The following ABL2 variants were observed in gnomAD, a reference collection of about 807,000 sequenced individuals.
The protein encoded by ABL2 is tyrosine-protein kinase ABL2.
A neutral mutation model predicts 107.7 loss-of-function variants in ABL2; 49 were observed. That is an observed-to-expected ratio of 0.45 (90% CI 0.36 to 0.58). The LOEUF is 0.58. Ranked by LOEUF, ABL2 falls within the 20% of genes least tolerant of loss-of-function variation. The probability of loss-of-function intolerance (pLI) is 0.00; values close to 1 mark genes in which losing one functional copy is unlikely to be tolerated. For missense variants in ABL2, 1,245 were observed against 1,457.0 expected, an observed-to-expected ratio of 0.85 and a Z score of 2.37; for synonymous variants, 549 against 548.6, an observed-to-expected ratio of 1.00 and a Z score of -0.01.
Position 179,107,950 on chromosome 1 carries a change from T to C in ABL2, c.3317A>G (p.Asn1106Ser), listed in dbSNP as rs559270365. The change falls in exon 12 of 12, where the codon AAC becomes AGC. Residue 1106 changes from asparagine to serine, a missense_variant. Asn to Ser is a conservative substitution (Grantham distance 46). Around this residue, in one of 3 missense-constraint regions of ABL2, gnomAD observed 761 missense variants for 766.4 expected, o/e 0.99. Transcript: ENST00000502732. ...LSSALTEPVPNSQLVDTGHQL... is the reference protein window; with the variant it reads ...LSSALTEPVPSSQLVDTGHQL... ...GTGTCCAGTGTCTACCAGCTGGCTG[T>C]TGGGCACAGGTTCCGTGAGTGCACT... 6.2e-7 allele frequency: 1 copy of C among 1,614,212 alleles called. No homozygotes were observed.
chr1:179,107,690 G>A lies in ABL2; in HGVS notation c.*28C>T. Reference sequence around the variant, plus strand: ...CTTTTCCCTCTCCCCTCAGAAATGTGTGCATTTTCCCACCAGGCTAACAGT... The same window carrying A: ...CTTTTCCCTCTCCCCTCAGAAATGTATGCATTTTCCCACCAGGCTAACAGT... On this transcript the variant is annotated 3_prime_UTR_variant, in exon 12 of 12. Coordinates refer to ENST00000502732, the MANE Select transcript of ABL2 (RefSeq NM_007314.4). The A allele has an allele frequency of 6.4e-7, 1 of 1,564,340 alleles. No homozygotes were observed. Among genetic ancestry groups the A allele is most frequent in the Non-Finnish European group, 8.7e-7 (1 of 1,154,340 alleles).
At position 179,100,301 on chromosome 1, in the gene ABL2, G is replaced by A. The variant is rs1012053846; in HGVS notation, c.*7417C>T. On this transcript the variant is annotated 3_prime_UTR_variant, in exon 12 of 12. Transcript: ENST00000502732. ...ACCAGAAGCATCTCTGTCCCCTGGC[G>A]TTCTTGCCACTCACAATACCTGGTA... 1.4e-4 allele frequency: 31 copies of A among 227,874 alleles called. No individual in the cohort carries two copies. The highest frequency in any genetic ancestry group is 3.1e-4 in the African/African-American group (14 of 45,046). 14.1% of individuals were successfully genotyped at this position (227,874 alleles called of 1,614,324 possible). A position where few individuals can be genotyped will look rare whatever the true frequency, so the allele number is the denominator to read the frequency against.
intron 1 of ABL2, among the ~76,000 whole-genome samples, chr1:179,166,712 G>C (rs945610749): frequency 2.0e-5 from 3 of 151,344 alleles, no homozygotes; most frequent in South Asian, 2.1e-4. Context: ...GGAAGGCAGA[G>C]GTTGCAGGGA....
intron 4 of ABL2, among the ~76,000 whole-genome samples, chr1:179,125,908 C>T (rs1655682708): frequency 6.6e-6 from 1 of 152,162 alleles, no homozygotes; most frequent in Non-Finnish European, 1.5e-5. Flanking sequence ...GGTTGGTGTT[C>T]CCAATATACA....
At chr1:179,227,944 C>T (rs1228632883) in intron 1 of ABL2, among the ~76,000 whole-genome samples, 2 of 149,856 alleles carry the variant, frequency 1.3e-5, no homozygotes, top group East Asian at 2.0e-4. Flanking sequence ...CCAGCTACTC[C>T]GAGGCTGAGG....
intron 1 of ABL2, among the ~76,000 whole-genome samples, chr1:179,150,808 C>T (rs770674960): frequency 1.8e-4 from 27 of 151,952 alleles, no homozygotes; most frequent in African/African-American, 5.8e-4. Flanking sequence ...AAAGTGTCAA[C>T]GGATTTGGTA....
chr1:179,184,027 G>A (rs940196574), intron 1 of ABL2: 1 of 273,908 alleles, frequency 3.7e-6, no homozygotes, highest in African/African-American at 2.3e-5. Flanking sequence ...TGAACTAAGG[G>A]AGGAGATTCT....
In ABL2 at chr1:179,100,043, C is replaced by A; in HGVS notation, c.*7675G>T. 4.3e-6 allele frequency: 1 copy of A among 232,504 alleles called. No homozygotes were observed. Among genetic ancestry groups the A allele is most frequent in the Non-Finnish European group, 8.5e-6 (1 of 117,566 alleles). 14.4% of individuals were successfully genotyped at this position (232,504 alleles called of 1,614,324 possible). The stretch of plus-strand genomic sequence containing the variant: ...ACGTGTATTTATGGACACAAACACA[C>A]ACCAGCTATACAGATCTGAGATGAG... On this transcript the variant is annotated 3_prime_UTR_variant, in exon 12 of 12. Coordinates refer to ENST00000502732, the MANE Select transcript of ABL2 (RefSeq NM_007314.4).
At chr1:179,208,320 A>C (rs1662090797) in intron 1 of ABL2, among the ~76,000 whole-genome samples, 1 of 151,060 alleles carries the variant, frequency 6.6e-6, no homozygotes, top group South Asian at 2.1e-4. Context: ...CCCCTCTAAT[A>C]GTTCCCAGTG....
At chr1:179,212,252 T>C (rs767818082) in intron 1 of ABL2, among the ~76,000 whole-genome samples, 5 of 152,192 alleles carry the variant, frequency 3.3e-5, no homozygotes, top group Non-Finnish European at 7.3e-5. Context: ...ATTATTACAA[T>C]TCAAGGTGAG....
chr1:179,146,844 TA>T (rs1658014534), intron 1 of ABL2, among the ~76,000 whole-genome samples: 1 of 152,134 alleles, frequency 6.6e-6, no homozygotes, highest in Non-Finnish European at 1.5e-5. Context: ...GTCTCTGACA[TA>T]AAAATTATTT....
At chr1:179,194,277 T>C (rs962407172) in intron 1 of ABL2, among the ~76,000 whole-genome samples, 1 of 152,172 alleles carries the variant, frequency 6.6e-6, no homozygotes, top group Non-Finnish European at 1.5e-5. Flanking sequence ...TGAGCACGAA[T>C]TTAGTAAGTG....
At chr1:179,209,975 A>G (rs1417114090) in intron 1 of ABL2, among the ~76,000 whole-genome samples, 6 of 152,158 alleles carry the variant, frequency 3.9e-5, no homozygotes, top group Non-Finnish European at 8.8e-5. Flanking sequence ...CTTGGGCTCA[A>G]GCAATCCTCC....
chr1:179,186,459 A>C (rs1660691681), intron 1 of ABL2, among the ~76,000 whole-genome samples: 1 of 151,760 alleles, frequency 6.6e-6, no homozygotes, highest in African/African-American at 2.4e-5. Context: ...GCTCACTGAA[A>C]TCTCCGCCTC....
chr1:179,174,005 T>C (rs1351318225), intron 1 of ABL2, among the ~76,000 whole-genome samples: 1 of 152,146 alleles, frequency 6.6e-6, no homozygotes, highest in Non-Finnish European at 1.5e-5. Flanking sequence ...GAAAATGGTT[T>C]CTGGCCGGGT....
chr1:179,205,859 G>A (rs980380376), intron 1 of ABL2, among the ~76,000 whole-genome samples: 1 of 152,082 alleles, frequency 6.6e-6, no homozygotes, highest in Non-Finnish European at 1.5e-5. Flanking sequence ...ACAATGAAGA[G>A]GAACTAGCCC....
rs538212216 is a variant in ABL2 at position 179,104,499 on chromosome 1, C to G, written c.*3219G>C. 2 of 211,506 alleles carry G rather than the reference C, an allele frequency of 9.5e-6. No homozygotes were observed. Among genetic ancestry groups the G allele is most frequent in the African/African-American group, 4.5e-5 (2 of 44,190 alleles). The allele number at this position is 211,506 out of a possible 1,614,324, so 13.1% of individuals were successfully genotyped here. A position where few individuals can be genotyped will look rare whatever the true frequency, so the allele number is the denominator to read the frequency against. On this transcript the variant is annotated 3_prime_UTR_variant, in exon 12 of 12. Transcript: ENST00000502732. ...TCTTAAAATGCTGCTGGTAAAGGGT[C>G]TCCACTATAATGACCTCTATGTACA... is the stretch of plus-strand genomic sequence containing the variant.
chr1:179,196,422 A>G (rs1165353990), intron 1 of ABL2: 1 of 152,212 alleles, frequency 6.6e-6, no homozygotes, highest in African/African-American at 2.4e-5. Context: ...ATTTGTCTGT[A>G]CTTAAGTAGA....
At chr1:179,124,223 A>G (rs1249058257) in intron 4 of ABL2, among the ~76,000 whole-genome samples, 9 of 151,498 alleles carry the variant, frequency 5.9e-5, no homozygotes, top group Non-Finnish European at 1.3e-4. Context: ...CCGGGGCGAC[A>G]CAGCAAGACT....
Sources: allele counts gnomAD v4.1 joint callset (sites outside exome capture counted in the v4.1 genomes callset), GRCh38; gene constraint gnomAD v4.1.1; regional missense constraint gnomAD v4.1.1; transcripts MANE v1.5; gene names NCBI Gene and HGNC (gene_info 2026-07-23, HGNC 2026-07-21).